Variants in ELK3 observed in about 807,000 individuals in gnomAD.
ELK3 encodes the protein ETS domain-containing protein Elk-3.
In ELK3, 10 loss-of-function variants were observed where a neutral mutation model predicts 28.9. The observed-to-expected ratio is 0.35, with a 90% CI of 0.21 to 0.59. The LOEUF is 0.59. Among genes scored for constraint, ELK3 ranks in the 20% least tolerant of loss-of-function variants. The pLI is 0.82. For missense variants in ELK3, 463 were observed against 517.3 expected (o/e 0.90, Z 1.02); for synonymous variants, 272 against 243.5 (o/e 1.12, Z -1.09).
intron 1 of ELK3, among the ~76,000 whole-genome samples, chr12:96,201,033 C>T (rs560042849): frequency 7.2e-5 from 11 of 152,168 alleles, no homozygotes; most frequent in East Asian, 3.9e-4. Flanking sequence ...AATTCTGTTA[C>T]GGCAATTTCA....
intron 2 of ELK3, among the ~76,000 whole-genome samples, chr12:96,226,568 C>T (rs1363257385): frequency 2.0e-5 from 3 of 151,108 alleles, no homozygotes; most frequent in Non-Finnish European, 4.4e-5. Context: ...ACACCCATGC[C>T]CACATGCACA....
Position 96,247,242 on chromosome 12 carries a change from C to G in ELK3, c.510C>G (p.Pro170=). 6.2e-7 allele frequency: 1 copy of G among 1,614,154 alleles called. No homozygotes were observed. The highest frequency in any genetic ancestry group is 8.5e-7 in the Non-Finnish European group (1 of 1,180,028). Residue 170 remains proline, a synonymous_variant, in exon 3 of 5, where the codon CCC becomes CCG. Coordinates refer to ENST00000228741, the MANE Select transcript of ELK3 (RefSeq NM_005230.4). The surrounding 1 kb of genome is among the most constrained non-coding windows in gnomAD (Gnocchi z 5.5). ...AGACGGAGAAGCTGGAGGAGCCGCC[C>G]GAAGACAGCCCCCCCGTGGAAGAAG... The part of the protein sequence containing the change: ...AIKTEKLEEP[P]EDSPPVEEVR...
chr12:96,259,874 T>C (rs1338769433), intron 4 of ELK3, 21 bp downstream of exon 4: 1 of 1,577,030 alleles, frequency 6.3e-7, no homozygotes, highest in South Asian at 1.1e-5. Context: ...GGAAATGAAC[T>C]TTTGAACATT....
At chr12:96,233,034 C>T (rs1481045417) in intron 2 of ELK3, among the ~76,000 whole-genome samples, 2 of 152,154 alleles carry the variant, frequency 1.3e-5, no homozygotes, top group East Asian at 3.8e-4. Flanking sequence ...AAATCTGTGT[C>T]TCCTCTTACT....
chr12:96,213,331 C>G (rs1162305233), intron 1 of ELK3, among the ~76,000 whole-genome samples: 1 of 152,096 alleles, frequency 6.6e-6, no homozygotes, highest in Non-Finnish European at 1.5e-5. Flanking sequence ...AACTCTATCC[C>G]AGGAATCTTA....
chr12:96,194,994 T>G (rs1951452938), intron 1 of ELK3, among the ~76,000 whole-genome samples: 1 of 151,188 alleles, frequency 6.6e-6, no homozygotes. Flanking sequence ...TCCCTGGGGC[T>G]GCGCTGCGAC....
At chr12:96,255,075 C>T (rs1050880956) in intron 3 of ELK3, among the ~76,000 whole-genome samples, 2 of 151,908 alleles carry the variant, frequency 1.3e-5, no homozygotes, top group Non-Finnish European at 2.9e-5. Flanking sequence ...ATATTCCAGG[C>T]GAAAGACCAT....
At position 96,247,708 on chromosome 12, in the gene ELK3, C is replaced by A; in HGVS notation, c.976C>A (p.Leu326Ile). 6.3e-7 allele frequency: 1 copy of A among 1,596,944 alleles called. No homozygotes were observed. Among genetic ancestry groups the A allele is most frequent in the East Asian group, 2.3e-5 (1 of 44,020 alleles). Residue 326 changes from leucine to isoleucine, a missense_variant, in exon 3 of 5, where the codon CTC becomes ATC. Leu to Ile is a conservative substitution (Grantham distance 5). Around this residue, in one of 2 missense-constraint regions of ELK3, gnomAD observed 408 missense variants for 414.8 expected, o/e 0.98. Transcript: ENST00000228741. The surrounding 1 kb of genome is among the most constrained non-coding windows in gnomAD (Gnocchi z 5.5). Reference sequence around the variant, plus strand: ...CAGCCCAGCCCTCCCCTCGGGATCCCTCACCCCAGCCTTCTTCACCGCACA... The same window carrying A: ...CAGCCCAGCCCTCCCCTCGGGATCCATCACCCCAGCCTTCTTCACCGCACA... ...LNSPALPSGS[L>I]TPAFFTAQTP...
At chr12:96,217,142 T>C (rs568667783) in intron 1 of ELK3, among the ~76,000 whole-genome samples, 39 of 152,312 alleles carry the variant, frequency 2.6e-4, no homozygotes, top group Middle Eastern at 3.4e-3. Flanking sequence ...CCCAAGCTAC[T>C]TGGGAGCTAG....
intron 4 of ELK3, among the ~76,000 whole-genome samples, chr12:96,265,214 TA>T (rs1309620440): frequency 3.9e-5 from 6 of 152,026 alleles, no homozygotes; most frequent in African/African-American, 1.2e-4. Flanking sequence ...TAAAGATGAC[TA>T]AAAAAATGTT....
At chr12:96,243,665 A>G (rs1439804071) in intron 2 of ELK3, among the ~76,000 whole-genome samples, 1 of 152,236 alleles carries the variant, frequency 6.6e-6, no homozygotes, top group East Asian at 1.9e-4. Flanking sequence ...CCTGACTTAC[A>G]CGGTGAAACC....
chr12:96,232,857 A>T (rs553303717), intron 2 of ELK3, among the ~76,000 whole-genome samples: 1 of 152,206 alleles, frequency 6.6e-6, no homozygotes, highest in African/African-American at 2.4e-5. Context: ...AGTCCTACTT[A>T]CTGGGGAGGC....
intron 1 of ELK3, among the ~76,000 whole-genome samples, chr12:96,220,892 T>A (rs1951657029): frequency 6.6e-6 from 1 of 152,224 alleles, no homozygotes; most frequent in Non-Finnish European, 1.5e-5. Flanking sequence ...CGGATGCTGC[T>A]TCAGATGATG....
At chr12:96,263,846 T>C (rs1952011028) in intron 4 of ELK3, among the ~76,000 whole-genome samples, 1 of 152,208 alleles carries the variant, frequency 6.6e-6, no homozygotes, top group African/African-American at 2.4e-5. Flanking sequence ...ATTTCTCTCT[T>C]TATCTGTTAA....
In ELK3 at chr12:96,267,340, A is replaced by C. The variant is rs1373356121; in HGVS notation, c.*160A>C. 13 of 578,912 alleles carry C rather than the reference A, an allele frequency of 2.2e-5. No homozygotes were observed. The highest frequency in any genetic ancestry group is 3.5e-5 in the Non-Finnish European group (12 of 341,592). The allele number at this position is 578,912 out of a possible 1,614,324, so 35.9% of individuals were successfully genotyped here. ...TCTAGATTTATGTTAGCATTTTAAAAACTGTTTTTGATATATTCAAGTATA... is the reference window on the plus strand; with the variant it reads ...TCTAGATTTATGTTAGCATTTTAAACACTGTTTTTGATATATTCAAGTATA... On this transcript the variant is annotated 3_prime_UTR_variant, in exon 5 of 5. Coordinates refer to ENST00000228741, the MANE Select transcript of ELK3 (RefSeq NM_005230.4).
chr12:96,266,622 G>C (rs895624060), intron 4 of ELK3, among the ~76,000 whole-genome samples: 1 of 152,034 alleles, frequency 6.6e-6, no homozygotes, highest in African/African-American at 2.4e-5. Context: ...AATCATCTTT[G>C]TAGTACCCTG....
chr12:96,201,439 A>G (rs897030375), intron 1 of ELK3, among the ~76,000 whole-genome samples: 4 of 151,952 alleles, frequency 2.6e-5, no homozygotes, highest in Non-Finnish European at 5.9e-5. Flanking sequence ...TGGGCAACAT[A>G]GTGAGACCCC....
chr12:96,258,981 A>T (rs1951972101), intron 3 of ELK3, among the ~76,000 whole-genome samples: 1 of 152,228 alleles, frequency 6.6e-6, no homozygotes, highest in East Asian at 1.9e-4. Flanking sequence ...ACAGCTGTTG[A>T]TATGGAGACC....
rs545111523 is a variant in ELK3, at chr12:96,230,996, CCT to C, written c.207+7224_207+7225del. On this transcript the variant is annotated intron_variant, in intron 2 of 4. Transcript: ENST00000228741. ...GCAACCCGGGTATGGATGAAAGGCC[CCT>C]GTTGATTTGAGAAACACACAGGTCA... Among the ~76,000 whole-genome samples the C allele has an allele frequency of 1.4e-4, 22 of 152,312 alleles. No individual in the cohort carries two copies. The South Asian group carries it at 4.6e-3, about 32-fold the overall frequency.
Sources: allele counts gnomAD v4.1 joint callset (sites outside exome capture counted in the v4.1 genomes callset), GRCh38; gene constraint gnomAD v4.1.1; regional missense constraint gnomAD v4.1.1; non-coding constraint Gnocchi (gnomAD v3.1); transcripts MANE v1.5; gene names NCBI Gene and HGNC (gene_info 2026-07-23, HGNC 2026-07-21).